SCN8A: variants seen among roughly 807,000 people sequenced by gnomAD.
The protein encoded by SCN8A is sodium voltage-gated channel alpha subunit 8, also known as sodium channel protein type 8 subunit alpha.
Under a neutral mutation model 184.1 loss-of-function variants are expected in SCN8A, and 30 were observed. The observed-to-expected ratio is 0.16, with a 90% confidence interval of 0.12 to 0.22. The LOEUF is 0.22. SCN8A is among the 10% of genes least tolerant of loss of function. The probability of loss-of-function intolerance (pLI) is 1.00; values close to 1 mark genes in which losing one functional copy is unlikely to be tolerated. For missense variants in SCN8A, 1,057 were observed against 2,498.9 expected (o/e 0.42, Z 12.30); for synonymous variants, 852 against 907.0 (o/e 0.94, Z 1.09).
Position 51,765,689 on chromosome 12 carries a change from G to T in SCN8A, c.2563G>T (p.Ala855Ser). ...TCCTTAGCTCCGAGTCTTCAAATTG[G>T]CCAAATCCTGGCCCACCCTGAACAT... is the stretch of plus-strand genomic sequence containing the variant. ...SFRLLRVFKL[A>S]KSWPTLNMLI... Residue 855 changes from alanine to serine, a missense_variant, in exon 16 of 27, where the codon GCC becomes TCC. Coordinates refer to ENST00000627620, the MANE Select transcript of SCN8A (RefSeq NM_001330260.2). 1 of 1,581,466 alleles carries T rather than the reference G, an allele frequency of 6.3e-7. No individual in the cohort carries two copies. Among genetic ancestry groups the T allele is most frequent in the Non-Finnish European group, 8.6e-7 (1 of 1,160,084 alleles).
At chr12:51,637,284 A>C (rs1055690897) in intron 1 of SCN8A, among the ~76,000 whole-genome samples, 1 of 152,150 alleles carries the variant, frequency 6.6e-6, no homozygotes, top group Non-Finnish European at 1.5e-5. Context: ...ATAGCCTTAC[A>C]TGGCCTCTTA....
At chr12:51,639,257 C>T (rs1014745822) in intron 1 of SCN8A, among the ~76,000 whole-genome samples, 2 of 152,074 alleles carry the variant, frequency 1.3e-5, no homozygotes, top group African/African-American at 4.8e-5. Flanking sequence ...GGGATTACAG[C>T]GTGCTGGGCT....
chr12:51,610,760 T>A (rs139728054), intron 1 of SCN8A, among the ~76,000 whole-genome samples: 1,763 of 152,316 alleles, frequency 0.012, 19 homozygotes, highest in East Asian at 0.052. Context: ...TGATGAGAAA[T>A]CTGCTGTTAA....
At chr12:51,761,512 G>C (rs1241862387) in intron 14 of SCN8A, among the ~76,000 whole-genome samples, 1 of 151,316 alleles carries the variant, frequency 6.6e-6, no homozygotes, top group South Asian at 2.1e-4. Flanking sequence ...GGCTTGCTGT[G>C]TCGCCTGTGC....
chr12:51,599,095 C>T (rs1439172915), intron 1 of SCN8A, among the ~76,000 whole-genome samples: 2 of 152,154 alleles, frequency 1.3e-5, no homozygotes, highest in Non-Finnish European at 2.9e-5. Context: ...ACCTTGAGAA[C>T]TATTGGTTCA....
intron 11 of SCN8A, among the ~76,000 whole-genome samples, chr12:51,709,143 T>C (rs1274847395): frequency 6.6e-6 from 1 of 151,854 alleles, no homozygotes; most frequent in Non-Finnish European, 1.5e-5. Flanking sequence ...GAGGGAACAA[T>C]AAGAAAAAAG....
chr12:51,644,803 C>T (rs1363514470), intron 1 of SCN8A, among the ~76,000 whole-genome samples: 7 of 151,960 alleles, frequency 4.6e-5, no homozygotes, highest in African/African-American at 9.7e-5. Context: ...CACCTCTTCC[C>T]GGCCGCCATC....
intron 1 of SCN8A, among the ~76,000 whole-genome samples, chr12:51,640,212 GTTTTT>G (rs57362371): frequency 3.7e-4 from 13 of 34,774 alleles, no homozygotes; most frequent in South Asian, 1.2e-3. Flanking sequence ...TGCCTGGCCT[GTTTTT>G]TTTTTTTTTT....
chr12:51,701,324 T>C (rs924978608), intron 8 of SCN8A, 117 bp downstream of exon 8: 1 of 551,322 alleles, frequency 1.8e-6, no homozygotes. Flanking sequence ...ACCTTACAAT[T>C]GCATCTGACC....
In SCN8A at chr12:51,649,492, A is replaced by G. The variant is rs1940663274; in HGVS notation, c.-54-13272A>G. ...TGCCTGGGCATCCCGGCATTTCCTT[A>G]CATCTTCTTAAATCTAGGCAGAGGT... is the stretch of plus-strand genomic sequence containing the variant. On this transcript the variant is annotated intron_variant, in intron 1 of 26. Transcript: ENST00000627620. Among the ~76,000 whole-genome samples the G allele has an allele frequency of 6.6e-5, 10 of 152,292 alleles. No homozygotes were observed. The South Asian group carries it at 2.1e-3, about 32-fold the overall frequency.
In SCN8A at chr12:51,794,648, G is replaced by A. The variant is rs1266771360; in HGVS notation, c.4795+7G>A. ...GTCATCCTCTCCATTGTGGGTGAGT[G>A]GGGTTGGGGAAGTAGGCGAGGGGAA... is the stretch of plus-strand genomic sequence containing the variant. On this transcript the variant is annotated splice_region_variant and intron_variant, in intron 26 of 26. Coordinates refer to ENST00000627620, the MANE Select transcript of SCN8A (RefSeq NM_001330260.2). 1 of 1,613,116 alleles carries A rather than the reference G, an allele frequency of 6.2e-7. No homozygotes were observed. Among genetic ancestry groups the A allele is most frequent in the Non-Finnish European group, 8.5e-7 (1 of 1,179,276 alleles).
intron 1 of SCN8A, among the ~76,000 whole-genome samples, chr12:51,655,661 A>G (rs1011197510): frequency 5.9e-5 from 9 of 152,220 alleles, no homozygotes; most frequent in Non-Finnish European, 1.3e-4. Flanking sequence ...GGCATGAGTC[A>G]CTGTGGCTGG....
intron 11 of SCN8A, among the ~76,000 whole-genome samples, chr12:51,718,164 A>G (rs886443557): frequency 1.3e-5 from 2 of 152,210 alleles, no homozygotes; most frequent in Admixed American, 1.3e-4. Context: ...GAGGAGCCCC[A>G]TAGCCCTTCC....
At chr12:51,669,419 T>C (rs914555168) in intron 2 of SCN8A, among the ~76,000 whole-genome samples, 4 of 152,234 alleles carry the variant, frequency 2.6e-5, no homozygotes, top group East Asian at 1.9e-4. Context: ...CTGTCACATA[T>C]TGTATTTTAG....
At chr12:51,625,007 TATCCTGGG>T (rs1352356170) in intron 1 of SCN8A, among the ~76,000 whole-genome samples, 1 of 152,154 alleles carries the variant, frequency 6.6e-6, no homozygotes, top group Admixed American at 6.5e-5. Context: ...GTCTACATCC[TATCCTGGG>T]ATTCCCTGAC....
intron 1 of SCN8A, among the ~76,000 whole-genome samples, chr12:51,603,918 T>C (rs889190145): frequency 6.6e-6 from 1 of 152,228 alleles, no homozygotes; most frequent in Non-Finnish European, 1.5e-5. Context: ...ATTCTTACTA[T>C]GAGTTTTGAG....
At chr12:51,772,975 G>T (rs1942951993) in intron 19 of SCN8A, among the ~76,000 whole-genome samples, 1 of 152,156 alleles carries the variant, frequency 6.6e-6, no homozygotes, top group African/African-American at 2.4e-5. Flanking sequence ...AAATTAGCCG[G>T]GTGTGGTGGC....
intron 1 of SCN8A, among the ~76,000 whole-genome samples, chr12:51,626,974 A>T (rs1940092705): frequency 6.6e-6 from 1 of 152,114 alleles, no homozygotes; most frequent in Admixed American, 6.6e-5. Context: ...GCAGATATTT[A>T]AAAAAACTCA....
At chr12:51,780,280 C>CT (rs1937856574) in intron 20 of SCN8A, 1 of 453,864 alleles carries the variant, frequency 2.2e-6, no homozygotes, top group African/African-American at 2.0e-5. Context: ...GGGTAAGGCT[C>CT]TTGTCGTCTG....
Sources: allele counts gnomAD v4.1 joint callset (sites outside exome capture counted in the v4.1 genomes callset), GRCh38; gene constraint gnomAD v4.1.1; transcripts MANE v1.5; gene names NCBI Gene and HGNC (gene_info 2026-07-23, HGNC 2026-07-21).